The following CDH8 variants were observed in gnomAD, a reference collection of about 807,000 sequenced individuals.
CDH8 encodes the protein cadherin-8.
CDH8 carries 17 observed loss-of-function variants against 68.1 expected under a neutral mutation model. The observed-to-expected ratio is 0.25, with a 90% CI of 0.17 to 0.37. The LOEUF is 0.37. CDH8 is among the 10% of genes least tolerant of loss of function. The probability of loss-of-function intolerance (pLI) is 1.00; values close to 1 mark genes in which losing one functional copy is unlikely to be tolerated. For missense variants in CDH8, 763 were observed against 999.3 expected (o/e 0.76, Z 3.19); for synonymous variants, 372 against 365.1 (o/e 1.02, Z -0.21).
chr16:61,897,805 T>C (rs1264756161), intron 3 of CDH8, among the ~76,000 whole-genome samples: 1 of 152,086 alleles, frequency 6.6e-6, no homozygotes, highest in Non-Finnish European at 1.5e-5. Flanking sequence ...CCAAACAATA[T>C]GAAAAAAAGT....
chr16:61,742,953 AT>A (rs1490031871), intron 8 of CDH8, among the ~76,000 whole-genome samples: 1 of 152,050 alleles, frequency 6.6e-6, no homozygotes, highest in East Asian at 1.9e-4. Flanking sequence ...TAATAGACAT[AT>A]TTTTCTATTT....
At position 61,918,955 on chromosome 16, in the gene CDH8, G is replaced by A. The variant is rs528831686; in HGVS notation, c.253-17482C>T. Among the ~76,000 whole-genome samples the A allele has an allele frequency of 1.1e-3, 163 of 148,114 alleles. 7 individuals are homozygous for A. The highest frequency in any genetic ancestry group is 2.5e-3 in the Admixed American group (36 of 14,442). On this transcript the variant is annotated intron_variant, in intron 2 of 11. Transcript: ENST00000577390. ...AAGAGAGCAGTGGTTCTCCCAGCAC[G>A]CAGCTGGAGATCTGAGAACCGGCAG... is the stretch of plus-strand genomic sequence containing the variant.
At chr16:62,000,839 T>C (rs1018960678) in intron 2 of CDH8, among the ~76,000 whole-genome samples, 1 of 152,206 alleles carries the variant, frequency 6.6e-6, no homozygotes, top group Admixed American at 6.5e-5. Context: ...TTACTACTAG[T>C]ATTAGACACT....
intron 10 of CDH8, among the ~76,000 whole-genome samples, chr16:61,699,646 C>G (rs899414163): frequency 6.6e-6 from 1 of 152,176 alleles, no homozygotes; most frequent in Non-Finnish European, 1.5e-5. Context: ...ATGATCTTGG[C>G]TCACTGCAAC....
chr16:61,761,601 C>A (rs748442810), intron 8 of CDH8, among the ~76,000 whole-genome samples: 1 of 152,158 alleles, frequency 6.6e-6, no homozygotes, highest in Non-Finnish European at 1.5e-5. Context: ...ATGAGTTCCA[C>A]ACTAAAACAA....
intron 8 of CDH8, among the ~76,000 whole-genome samples, chr16:61,751,806 A>C (rs561857468): frequency 6.6e-6 from 1 of 152,134 alleles, no homozygotes; most frequent in Non-Finnish European, 1.5e-5. Flanking sequence ...CAAATATTTG[A>C]AGATGTCTAA....
At chr16:61,838,649 C>A (rs1962617811) in intron 4 of CDH8, among the ~76,000 whole-genome samples, 1 of 152,008 alleles carries the variant, frequency 6.6e-6, no homozygotes, top group Non-Finnish European at 1.5e-5. Flanking sequence ...AAACTTGCAG[C>A]CATTACTAGC....
At chr16:61,970,915 T>G (rs566254821) in intron 2 of CDH8, among the ~76,000 whole-genome samples, 3 of 152,184 alleles carry the variant, frequency 2.0e-5, no homozygotes, top group African/African-American at 7.2e-5. Flanking sequence ...CATTCCACCA[T>G]TGTGATTTGT....
At chr16:61,894,748 C>A (rs1963840813) in intron 3 of CDH8, among the ~76,000 whole-genome samples, 1 of 152,206 alleles carries the variant, frequency 6.6e-6, no homozygotes, top group African/African-American at 2.4e-5. Context: ...ATAATTTTCA[C>A]ATTAAATTAA....
At chr16:61,921,733 G>A (rs1964371229) in intron 2 of CDH8, among the ~76,000 whole-genome samples, 1 of 152,150 alleles carries the variant, frequency 6.6e-6, no homozygotes, top group Non-Finnish European at 1.5e-5. Flanking sequence ...TAAGCACTTT[G>A]GATTTTGAGG....
chr16:61,738,222 G>A (rs1959758638), intron 8 of CDH8, among the ~76,000 whole-genome samples: 2 of 152,086 alleles, frequency 1.3e-5, no homozygotes, highest in South Asian at 4.1e-4. Flanking sequence ...TGACCCCTGT[G>A]TGTTTTCCCT....
chr16:61,732,689 G>C (rs1006754239), intron 8 of CDH8, among the ~76,000 whole-genome samples: 4 of 151,700 alleles, frequency 2.6e-5, no homozygotes, highest in African/African-American at 7.3e-5. Context: ...AAAAAATAAA[G>C]AGAAAGGAAA....
intron 8 of CDH8, among the ~76,000 whole-genome samples, chr16:61,753,755 A>T (rs977695595): frequency 2.0e-5 from 3 of 152,146 alleles, no homozygotes; most frequent in African/African-American, 7.2e-5. Context: ...AAATCCAGTT[A>T]TTGGGGCCAA....
intron 1 of CDH8, among the ~76,000 whole-genome samples, chr16:62,024,671 G>C (rs1369484226): frequency 6.6e-6 from 1 of 152,126 alleles, no homozygotes; most frequent in Non-Finnish European, 1.5e-5. Flanking sequence ...AATTAAAAAG[G>C]GGATACGTGT....
intron 4 of CDH8, among the ~76,000 whole-genome samples, chr16:61,856,825 TC>T (rs1243298842): frequency 6.6e-6 from 1 of 152,140 alleles, no homozygotes; most frequent in African/African-American, 2.4e-5. Flanking sequence ...TTCACTTAAA[TC>T]TACTATTTAA....
chr16:61,705,004 C>T (rs995336638), intron 10 of CDH8, among the ~76,000 whole-genome samples: 2 of 152,066 alleles, frequency 1.3e-5, no homozygotes, highest in African/African-American at 2.4e-5. Context: ...AGATAAACAG[C>T]CTCAAAAGGC....
chr16:61,937,287 C>T (rs77652189), intron 2 of CDH8, among the ~76,000 whole-genome samples: 5,738 of 152,124 alleles, frequency 0.038, 369 homozygotes, highest in African/African-American at 0.13. Context: ...GAGAGAGTTG[C>T]TTACTATAGC....
chr16:61,877,227 C>T (rs190452741), intron 3 of CDH8, among the ~76,000 whole-genome samples: 36 of 151,084 alleles, frequency 2.4e-4, no homozygotes, highest in South Asian at 4.2e-4. Flanking sequence ...CATCTTAGAA[C>T]GAGACTATTA....
At chr16:61,976,517 T>G (rs1359622097) in intron 2 of CDH8, among the ~76,000 whole-genome samples, 2 of 151,936 alleles carry the variant, frequency 1.3e-5, no homozygotes, top group Non-Finnish European at 2.9e-5. Context: ...AGAGGCAGAG[T>G]TGTTACCAAG....
Sources: allele counts gnomAD v4.1 joint callset (sites outside exome capture counted in the v4.1 genomes callset), GRCh38; gene constraint gnomAD v4.1.1; transcripts MANE v1.5; gene names NCBI Gene and HGNC (gene_info 2026-07-23, HGNC 2026-07-21).